The following ZMYM2 variants were observed in gnomAD, a reference collection of about 807,000 sequenced individuals.
ZMYM2 encodes zinc finger MYM-type protein 2.
A neutral mutation model predicts 162.8 loss-of-function variants in ZMYM2; 56 were observed. The observed-to-expected ratio is 0.34, with a 90% confidence interval of 0.28 to 0.43. The LOEUF (loss-of-function observed/expected upper bound fraction) is 0.43. Ranked by LOEUF, ZMYM2 falls within the 20% of genes least tolerant of loss-of-function variation. ZMYM2 has a pLI of 1.00. For synonymous variants in ZMYM2, 510 were observed against 541.6 expected, an observed-to-expected ratio of 0.94 and a Z score of 0.81; for missense variants, 1,275 against 1,621.8, an observed-to-expected ratio of 0.79 and a Z score of 3.67.
the ZMYM2 span, among the ~76,000 whole-genome samples, chr13:19,912,975 A>T: frequency 6.6e-6 from 1 of 152,066 alleles, no homozygotes; most frequent in Non-Finnish European, 1.5e-5. Context: ...TGGGTGTACT[A>T]CTCCAGACCA....
In ZMYM2 at chr13:20,046,581, A is replaced by ATATATG. The variant is rs1270115549; in HGVS notation, c.2293-4851_2293-4850insATATGT. On this transcript the variant is annotated intron_variant, in intron 12 of 24. Transcript: ENST00000610343. ...AAAAAAAAAATATATATATATATAT[A>ATATATG]TGTGTGTGTGTGTGTGTGTGTGTGT... 3.7e-3 allele frequency among the ~76,000 whole-genome samples: 437 copies of ATATATG among 117,488 alleles called. 7 individuals carry two copies. Among genetic ancestry groups the ATATATG allele is most frequent in the African/African-American group, 0.013 (419 of 31,452 alleles). 77.1% of individuals were successfully genotyped at this position (117,488 alleles called of 152,430 possible).
chr13:19,985,397 CACA>C (rs1949051163), intron 2 of ZMYM2, among the ~76,000 whole-genome samples: 1 of 152,154 alleles, frequency 6.6e-6, no homozygotes, highest in Non-Finnish European at 1.5e-5. Flanking sequence ...GTACTGGGAT[CACA>C]GGTGTGAGCT....
chr13:20,038,944 C>T (rs1953982408), intron 12 of ZMYM2, among the ~76,000 whole-genome samples: 2 of 152,058 alleles, frequency 1.3e-5, no homozygotes. Flanking sequence ...TTTGTGTCAT[C>T]TCTGATTTCT....
the ZMYM2 span, among the ~76,000 whole-genome samples, chr13:19,950,110 C>A: frequency 6.6e-6 from 1 of 151,712 alleles, no homozygotes; most frequent in Non-Finnish European, 1.5e-5. Flanking sequence ...GACCCCTTCT[C>A]TACAAAATAA....
chr13:19,896,586 C>A, the ZMYM2 span, among the ~76,000 whole-genome samples: 1 of 150,712 alleles, frequency 6.6e-6, no homozygotes, highest in Admixed American at 6.6e-5. Context: ...GAAACCCCGT[C>A]TCTACTAAAA....
At position 20,066,813 on chromosome 13, in the gene ZMYM2, T is replaced by C. The variant is rs751185257; in HGVS notation, c.3133-38T>C. ...TATAAAGTAATGAAATAATGTAGGC[T>C]TTAAAAAAGATATTATTATGGTGTT... On this transcript the variant is annotated intron_variant, in intron 19 of 24. Coordinates refer to ENST00000610343, the MANE Select transcript of ZMYM2 (RefSeq NM_197968.4). 4 of 1,491,078 alleles carry C rather than the reference T, an allele frequency of 2.7e-6. No individual in the cohort carries two copies. The South Asian group carries it at 4.1e-5, about 15-fold the overall frequency. The allele number at this position is 1,491,078 out of a possible 1,614,324, so 92.4% of individuals were successfully genotyped here. A position where few individuals can be genotyped will look rare whatever the true frequency, so the allele number is the denominator to read the frequency against.
chr13:20,074,452 T>C (rs1385494451), intron 21 of ZMYM2, among the ~76,000 whole-genome samples: 1 of 152,038 alleles, frequency 6.6e-6, no homozygotes, highest in Non-Finnish European at 1.5e-5. Context: ...ACCAGTCTGG[T>C]CTCGAACTCC....
At chr13:20,034,220 C>T (rs1029710496) in intron 10 of ZMYM2, 34 bp from the exon 11 acceptor site, 2 of 532,594 alleles carry the variant, frequency 3.8e-6, no homozygotes, top group Non-Finnish European at 5.5e-6. Context: ...AGCTTGTCGT[C>T]ATATACTTAC....
the ZMYM2 span, among the ~76,000 whole-genome samples, chr13:19,884,769 G>C: frequency 6.1e-3 from 931 of 152,126 alleles, 15 homozygotes; most frequent in African/African-American, 0.021. Context: ...TCAACATAGT[G>C]CCGACGCCCC....
chr13:19,891,721 G>T, the ZMYM2 span, among the ~76,000 whole-genome samples: 1 of 151,530 alleles, frequency 6.6e-6, no homozygotes, highest in African/African-American at 2.4e-5. Context: ...AGGCTGCAAT[G>T]AGCTGTGATT....
chr13:19,901,383 C>T, the ZMYM2 span, among the ~76,000 whole-genome samples: 1 of 152,158 alleles, frequency 6.6e-6, no homozygotes, highest in Non-Finnish European at 1.5e-5. Flanking sequence ...ACCCAAGCGT[C>T]CACTGATAGA....
chr13:20,004,466 A>G (rs1302613710), intron 4 of ZMYM2, among the ~76,000 whole-genome samples: 2 of 152,114 alleles, frequency 1.3e-5, no homozygotes, highest in Admixed American at 6.5e-5. Context: ...CATGTTAGCC[A>G]GGATGGTCTC....
the ZMYM2 span, among the ~76,000 whole-genome samples, chr13:19,906,866 T>C: frequency 6.6e-6 from 1 of 152,112 alleles, no homozygotes; most frequent in Non-Finnish European, 1.5e-5. Context: ...GCCCTAACTC[T>C]AGTTTTTATC....
chr13:19,912,299 T>G, the ZMYM2 span, among the ~76,000 whole-genome samples: 1 of 150,802 alleles, frequency 6.6e-6, no homozygotes, highest in Non-Finnish European at 1.5e-5. Flanking sequence ...TGGGTTTTTT[T>G]TTTTTTTTTT....
At chr13:20,004,923 A>G (rs1014901223) in intron 4 of ZMYM2, 151 bp from the exon 5 acceptor site, 8 of 530,730 alleles carry the variant, frequency 1.5e-5, no homozygotes, top group South Asian at 4.6e-5. Flanking sequence ...AACATATTTT[A>G]TTAGGAATGT....
the ZMYM2 span, among the ~76,000 whole-genome samples, chr13:19,884,214 T>C: frequency 6.6e-6 from 1 of 151,862 alleles, no homozygotes; most frequent in Non-Finnish European, 1.5e-5. Flanking sequence ...CAAAAAAATT[T>C]AAAAATTAGC....
At chr13:19,911,808 C>T in the ZMYM2 span, among the ~76,000 whole-genome samples, 6 of 152,348 alleles carry the variant, frequency 3.9e-5, no homozygotes, top group South Asian at 1.2e-3. Flanking sequence ...TAGGGCTATT[C>T]TGTGGGAAAG....
At chr13:19,863,974 C>T in the ZMYM2 span, 4 of 151,808 alleles carry the variant, frequency 2.6e-5, no homozygotes, top group African/African-American at 9.7e-5. Context: ...GCTTCGGCCC[C>T]TCGGGGCCCG....
chr13:20,032,595 C>CTT (rs1566350627), intron 10 of ZMYM2, among the ~76,000 whole-genome samples: 11 of 96,366 alleles, frequency 1.1e-4, no homozygotes, highest in Non-Finnish European at 2.4e-4. Context: ...GATTTTTTTT[C>CTT]TGTCTTTTTT....
Sources: gnomAD v4.1 joint callset for allele counts (sites outside exome capture counted in the v4.1 genomes callset) on GRCh38, gnomAD v4.1.1 for gene constraint, MANE v1.5 for transcripts, NCBI Gene and HGNC (gene_info 2026-07-23, HGNC 2026-07-21) for gene names.